The following SLAIN2 variants were observed in gnomAD, a reference collection of about 807,000 sequenced individuals.
The protein encoded by SLAIN2 is SLAIN family member 2, also known as SLAIN motif-containing protein 2.
Under a neutral mutation model 56.6 loss-of-function variants are expected in SLAIN2, and 31 were observed. That is an observed-to-expected ratio of 0.55 (90% CI 0.41 to 0.74). The LOEUF is 0.74. Among genes scored for constraint, SLAIN2 ranks in the 30% least tolerant of loss-of-function variants. The pLI is 0.00. For synonymous variants in SLAIN2, 317 were observed against 284.9 expected (o/e 1.11, Z -1.13); for missense variants, 777 against 754.2 (o/e 1.03, Z -0.35).
intron 1 of SLAIN2, among the ~76,000 whole-genome samples, chr4:48,346,713 G>T (rs1362804838): frequency 6.6e-6 from 1 of 152,088 alleles, no homozygotes; most frequent in African/African-American, 2.4e-5. Flanking sequence ...AATATCTTGG[G>T]AAGTTTTATG....
chr4:48,348,703 A>G (rs1295022930), intron 1 of SLAIN2, among the ~76,000 whole-genome samples: 1 of 151,744 alleles, frequency 6.6e-6, no homozygotes, highest in East Asian at 1.9e-4. Flanking sequence ...AAAAAAAAAA[A>G]AAAGAAGATA....
At chr4:48,417,697 T>TA (rs1412689386) in intron 6 of SLAIN2, among the ~76,000 whole-genome samples, 3 of 139,636 alleles carry the variant, frequency 2.1e-5, no homozygotes, top group African/African-American at 8.0e-5. Context: ...TGGTTCAATA[T>TA]ACGCAAATCA....
In SLAIN2 at chr4:48,341,576, G is replaced by A. The variant is rs1299995361; in HGVS notation, c.-164G>A. The A allele has an allele frequency of 1.5e-5, 17 of 1,133,684 alleles. No individual in the cohort carries two copies. The highest frequency in any genetic ancestry group is 1.9e-5 in the Non-Finnish European group (16 of 853,766). The allele number at this position is 1,133,684 out of a possible 1,614,324, so 70.2% of individuals were successfully genotyped here. A position where few individuals can be genotyped will look rare whatever the true frequency, so the allele number is the denominator to read the frequency against. On this transcript the variant is annotated 5_prime_UTR_variant, in exon 1 of 8. Transcript: ENST00000264313. ...AGGCAGTTCGGCTGGGGCCAGCGGCGCTTTGGAACCCGAGGTGGGGGGACC... is the reference window on the plus strand; with the variant it reads ...AGGCAGTTCGGCTGGGGCCAGCGGCACTTTGGAACCCGAGGTGGGGGGACC...
rs572650624 is a variant in SLAIN2, at chr4:48,377,840, A to G, written c.539-56A>G. 3.3e-6 allele frequency: 5 copies of G among 1,513,588 alleles called. No individual in the cohort carries two copies. In the South Asian group the frequency reaches 4.8e-5, roughly 15 times the overall value. The allele number at this position is 1,513,588 out of a possible 1,614,324, so 93.8% of individuals were successfully genotyped here. A position where few individuals can be genotyped will look rare whatever the true frequency, so the allele number is the denominator to read the frequency against. On this transcript the variant is annotated intron_variant, in intron 2 of 7. Transcript: ENST00000264313. The stretch of plus-strand genomic sequence containing the variant: ...TTCTAATAGGAAAACTTCAGAAATG[A>G]AACGTTAACTTTTTCTCAGTTGTTA...
chr4:48,419,779 C>G (rs116584437), intron 6 of SLAIN2, among the ~76,000 whole-genome samples: 2,915 of 152,234 alleles, frequency 0.019, 101 homozygotes, highest in African/African-American at 0.067. Flanking sequence ...GGTAGTCAAC[C>G]TGTTTTTCAC....
At chr4:48,359,551 G>T (rs1715259504) in intron 1 of SLAIN2, among the ~76,000 whole-genome samples, 3 of 152,112 alleles carry the variant, frequency 2.0e-5, no homozygotes, top group Admixed American at 2.0e-4. Context: ...ATATGTCTAT[G>T]TGAAGAAATA....
chr4:48,363,830 C>G (rs1417768263), intron 1 of SLAIN2, among the ~76,000 whole-genome samples: 1 of 137,984 alleles, frequency 7.2e-6, no homozygotes, highest in Non-Finnish European at 1.6e-5. Flanking sequence ...GACGGGGTGG[C>G]TGGCCGGGCT....
At chr4:48,358,405 C>T (rs1460706237) in intron 1 of SLAIN2, among the ~76,000 whole-genome samples, 2 of 151,884 alleles carry the variant, frequency 1.3e-5, no homozygotes, top group Non-Finnish European at 2.9e-5. Flanking sequence ...CCACAACCTC[C>T]GCCTCCCAGG....
chr4:48,406,506 T>C (rs1382729974), intron 6 of SLAIN2, among the ~76,000 whole-genome samples: 1 of 149,596 alleles, frequency 6.7e-6, no homozygotes, highest in African/African-American at 2.5e-5. Flanking sequence ...TTTACAACTT[T>C]TGGTTATGCT....
At chr4:48,382,958 C>T in intron 5 of SLAIN2, 31 bp downstream of exon 5, 12 of 1,544,252 alleles carry the variant, frequency 7.8e-6, no homozygotes, top group South Asian at 1.2e-5. Context: ...AATAATTAGA[C>T]AGTTTCTGCT....
chr4:48,367,898 T>C (rs1231929414), intron 1 of SLAIN2, among the ~76,000 whole-genome samples: 1 of 152,066 alleles, frequency 6.6e-6, no homozygotes, highest in Non-Finnish European at 1.5e-5. Flanking sequence ...TTAGAACATC[T>C]ATATCACCCT....
chr4:48,360,534 G>A (rs534693894), intron 1 of SLAIN2, among the ~76,000 whole-genome samples: 3 of 152,186 alleles, frequency 2.0e-5, no homozygotes, highest in Admixed American at 2.0e-4. Context: ...AGAGGTTGCT[G>A]TGAGCTGAGA....
intron 6 of SLAIN2, among the ~76,000 whole-genome samples, chr4:48,399,761 CAT>C (rs1253070310): frequency 3.9e-5 from 6 of 152,068 alleles, no homozygotes; most frequent in African/African-American, 1.4e-4. Flanking sequence ...TTGAGATAAT[CAT>C]GTGGTTTTTG....
intron 6 of SLAIN2, among the ~76,000 whole-genome samples, chr4:48,395,426 A>G (rs1716350425): frequency 6.6e-6 from 1 of 150,528 alleles, no homozygotes; most frequent in African/African-American, 2.4e-5. Flanking sequence ...ACGCAGGAAG[A>G]AGAAATTAGA....
At chr4:48,401,898 G>T (rs1716565637) in intron 6 of SLAIN2, among the ~76,000 whole-genome samples, 1 of 152,168 alleles carries the variant, frequency 6.6e-6, no homozygotes, top group Non-Finnish European at 1.5e-5. Flanking sequence ...TTTTGTAGTG[G>T]CTGGTAATGG....
rs1397571906 is a variant in SLAIN2 at position 48,420,911 on chromosome 4, G to A, written c.1679+468G>A. Among the ~76,000 whole-genome samples, 9 of 152,312 alleles carry A rather than the reference G, an allele frequency of 5.9e-5. No homozygotes were observed. The South Asian group carries it at 1.9e-3, about 32-fold the overall frequency. ...TGTGAGATTTATATAAATGTAGGGT[G>A]TAAGTTTTACCTTCAGAGAGTCTAA... On this transcript the variant is annotated intron_variant, in intron 7 of 7. Coordinates refer to ENST00000264313, the MANE Select transcript of SLAIN2 (RefSeq NM_020846.2).
At chr4:48,346,496 G>C (rs1714870724) in intron 1 of SLAIN2, among the ~76,000 whole-genome samples, 1 of 152,180 alleles carries the variant, frequency 6.6e-6, no homozygotes, top group Admixed American at 6.5e-5. Flanking sequence ...AGGTAATGTG[G>C]TTTTTATACT....
chr4:48,404,238 G>A (rs758862533), intron 6 of SLAIN2, among the ~76,000 whole-genome samples: 9 of 152,052 alleles, frequency 5.9e-5, no homozygotes, highest in Non-Finnish European at 1.2e-4. Flanking sequence ...CCCACCCTCC[G>A]ACTTTTGCAT....
chr4:48,351,174 G>C (rs1160793198), intron 1 of SLAIN2, among the ~76,000 whole-genome samples: 4 of 152,170 alleles, frequency 2.6e-5, no homozygotes. Flanking sequence ...GTGTGAATGA[G>C]AACCAGGAGT....
Sources: gnomAD v4.1 joint callset for allele counts (sites outside exome capture counted in the v4.1 genomes callset) on GRCh38, gnomAD v4.1.1 for gene constraint, MANE v1.5 for transcripts, NCBI Gene and HGNC (gene_info 2026-07-23, HGNC 2026-07-21) for gene names.